SLC5A5: variants seen among roughly 807,000 people sequenced by gnomAD.
SLC5A5 encodes solute carrier family 5 member 5.
A neutral mutation model predicts 68.6 loss-of-function variants in SLC5A5; 56 were observed. That is an observed-to-expected ratio of 0.82 (90% CI 0.66 to 1.02). The LOEUF (loss-of-function observed/expected upper bound fraction) is 1.02. SLC5A5 is among the 50% of genes least tolerant of loss of function. SLC5A5 has a pLI of 0.00. For synonymous variants in SLC5A5, 398 were observed against 373.0 expected, an observed-to-expected ratio of 1.07 and a Z score of -0.77; for missense variants, 807 against 859.8, an observed-to-expected ratio of 0.94 and a Z score of 0.77.
rs1219028098 is a variant in SLC5A5, at chr19:17,893,906, C to G, written c.*29C>G. The G allele has an allele frequency of 6.4e-7, 1 of 1,550,774 alleles. No individual in the cohort carries two copies. Among genetic ancestry groups the G allele is most frequent in the Non-Finnish European group, 8.7e-7 (1 of 1,145,744 alleles). ...CAGGGCCAGCCGCGGGACTGACACCCTGGGATGGAACCTCAGGATGGGCCA... is the reference window on the plus strand; with the variant it reads ...CAGGGCCAGCCGCGGGACTGACACCGTGGGATGGAACCTCAGGATGGGCCA... On this transcript the variant is annotated 3_prime_UTR_variant, in exon 15 of 15. Transcript: ENST00000222248.
Position 17,893,921 on chromosome 19 carries a change from A to C in SLC5A5, c.*44A>C. The C allele has an allele frequency of 1.3e-6, 2 of 1,536,744 alleles. No individual in the cohort carries two copies. Among genetic ancestry groups the C allele is most frequent in the Non-Finnish European group, 1.8e-6 (2 of 1,133,422 alleles). Reference sequence around the variant, plus strand: ...GACTGACACCCTGGGATGGAACCTCAGGATGGGCCAAACCCAGACAACGGG... The same window carrying C: ...GACTGACACCCTGGGATGGAACCTCCGGATGGGCCAAACCCAGACAACGGG... On this transcript the variant is annotated 3_prime_UTR_variant, in exon 15 of 15. Coordinates refer to ENST00000222248, the MANE Select transcript of SLC5A5 (RefSeq NM_000453.3).
At position 17,894,076 on chromosome 19, in the gene SLC5A5, C is replaced by T. The variant is rs967294275; in HGVS notation, c.*199C>T. 49 of 609,276 alleles carry T rather than the reference C, an allele frequency of 8.0e-5. No homozygotes were observed. The highest frequency in any genetic ancestry group is 4.4e-4 in the Middle Eastern group (1 of 2,278). 37.7% of individuals were successfully genotyped at this position (609,276 alleles called of 1,614,324 possible). A position where few individuals can be genotyped will look rare whatever the true frequency, so the allele number is the denominator to read the frequency against. ...TTTAAATCCAGCCCCTTGCTTCAACCGTCCCCAGTATTAGACGCTGCAGCC... is the reference window on the plus strand; with the variant it reads ...TTTAAATCCAGCCCCTTGCTTCAACTGTCCCCAGTATTAGACGCTGCAGCC... On this transcript the variant is annotated 3_prime_UTR_variant, in exon 15 of 15. Transcript: ENST00000222248.
At position 17,881,975 on chromosome 19, in the gene SLC5A5, C is replaced by T. The variant is rs1301112516; in HGVS notation, c.1074C>T (p.Ser358=). Residue 358 remains serine, a synonymous_variant, in exon 9 of 15, where the codon AGC becomes AGT. Transcript: ENST00000222248. Reference sequence around the variant, plus strand: ...CCTCACACAGCACAGCATCCACCAGCATCAATGCTATGGCTGCAGTCACTG... The same window carrying T: ...CCTCACACAGCACAGCATCCACCAGTATCAATGCTATGGCTGCAGTCACTG... ...YSGTLSTAST[S]INAMAAVTVE... 5 of 1,613,522 alleles carry T rather than the reference C, an allele frequency of 3.1e-6. No homozygotes were observed. The highest frequency in any genetic ancestry group is 4.2e-6 in the Non-Finnish European group (5 of 1,179,530).
intron 8 of SLC5A5, 119 bp from the exon 9 acceptor site, chr19:17,881,841 C>A: frequency 1.3e-6 from 1 of 757,156 alleles, no homozygotes; most frequent in Non-Finnish European, 2.3e-6. Flanking sequence ...TCTCCTTCAC[C>A]TTTGCAGGAC....
rs773992730 is a variant in SLC5A5 at position 17,880,927 on chromosome 19, G to A, written c.1032G>A (p.Leu344=). 1.4e-5 allele frequency: 23 copies of A among 1,613,954 alleles called. No individual in the cohort carries two copies. In the South Asian group the frequency reaches 2.2e-4, roughly 15 times the overall value. Residue 344 remains leucine (L), a synonymous_variant, in exon 8 of 15, where the codon CTG becomes CTA. Transcript: ENST00000222248. ...TGCCTGGAGTCCCCGGGCTTTTCCTGGCCTGTGCTTACAGTGGCACCCTCA... is the reference window on the plus strand; with the variant it reads ...TGCCTGGAGTCCCCGGGCTTTTCCTAGCCTGTGCTTACAGTGGCACCCTCA... ...EDLPGVPGLF[L]ACAYSGTLST... is the part of the protein sequence containing the mutation.
At chr19:17,881,871 C>A in intron 8 of SLC5A5, 89 bp from the exon 9 acceptor site, 2 of 967,260 alleles carry the variant, frequency 2.1e-6, no homozygotes, top group Non-Finnish European at 3.3e-6. Context: ...CCCACCGTTG[C>A]CCTCAGGCTG....
intron 2 of SLC5A5, 80 bp downstream of exon 2, chr19:17,874,283 C>T: frequency 1.1e-6 from 1 of 923,552 alleles, no homozygotes; most frequent in Non-Finnish European, 1.7e-6. Context: ...CCATTCAAGA[C>T]CCCGCCCAGA....
At chr19:17,874,057 C>T (rs1285284957) in intron 1 of SLC5A5, 81 bp from the exon 2 acceptor site, 4 of 1,017,844 alleles carry the variant, frequency 3.9e-6, no homozygotes. Context: ...GAGGGGCCCA[C>T]CTAGAGAGCA....
At chr19:17,888,262 T>C in intron 12 of SLC5A5, 69 bp from the exon 13 acceptor site, 5 of 1,595,406 alleles carry the variant, frequency 3.1e-6, no homozygotes, top group South Asian at 1.1e-5. Context: ...GGGGGTGAGG[T>C]TGGAACAGCT....
chr19:17,889,023 A>T (rs1169530620), intron 13 of SLC5A5, among the ~76,000 whole-genome samples: 1 of 151,826 alleles, frequency 6.6e-6, no homozygotes, highest in East Asian at 1.9e-4. Context: ...TATATACATA[A>T]AAGAAATTAT....
At chr19:17,881,060 G>A in intron 8 of SLC5A5, 107 bp downstream of exon 8, 1 of 860,296 alleles carries the variant, frequency 1.2e-6, no homozygotes, top group Non-Finnish European at 2.0e-6. Context: ...CTGTCCATCA[G>A]TCCCAGTTCC....
In SLC5A5 at chr19:17,882,227, C is replaced by G. The variant is rs572622896; in HGVS notation, c.1242+8C>G. The G allele has an allele frequency of 1.9e-6, 3 of 1,610,794 alleles. No individual in the cohort carries two copies. In the East Asian group the frequency reaches 6.7e-5, roughly 36 times the overall value. ...GGAGGAGGTGTCCTTCAGGTGAGAC[C>G]CCACCTGCCCCCTGCCCTGGTCTCC... On this transcript the variant is annotated splice_region_variant and intron_variant, in intron 10 of 14. Coordinates refer to ENST00000222248, the MANE Select transcript of SLC5A5 (RefSeq NM_000453.3).
intron 13 of SLC5A5, among the ~76,000 whole-genome samples, chr19:17,890,657 A>G (rs2030130432): frequency 6.6e-6 from 1 of 152,106 alleles, no homozygotes; most frequent in Non-Finnish European, 1.5e-5. Context: ...TAGACTCCCA[A>G]AGTGCAATTA....
At chr19:17,877,146 C>A (rs1352224804) in intron 5 of SLC5A5, among the ~76,000 whole-genome samples, 1 of 152,016 alleles carries the variant, frequency 6.6e-6, no homozygotes, top group Non-Finnish European at 1.5e-5. Context: ...TCCCCTCAGA[C>A]CAGATTGGGG....
At chr19:17,888,270 GC>G in intron 12 of SLC5A5, 60 bp from the exon 13 acceptor site, 1 of 1,606,256 alleles carries the variant, frequency 6.2e-7, no homozygotes, top group African/African-American at 1.3e-5. Flanking sequence ...GGTTGGAACA[GC>G]TTTTGAGTGC....
Position 17,880,958 on chromosome 19 carries a change from G to A in SLC5A5, c.1058+5G>A. 1 of 1,608,728 alleles carries A rather than the reference G, an allele frequency of 6.2e-7. No individual in the cohort carries two copies. Among genetic ancestry groups the A allele is most frequent in the African/African-American group, 1.3e-5 (1 of 74,942 alleles). ...TGCTTACAGTGGCACCCTCAGGTGA[G>A]CACCCCTGCTTGTTCATGGAGCATT... On this transcript the variant is annotated splice_donor_5th_base_variant and intron_variant, in intron 8 of 14. Coordinates refer to ENST00000222248, the MANE Select transcript of SLC5A5 (RefSeq NM_000453.3).
chr19:17,884,546 T>G (rs1306364106), intron 12 of SLC5A5, among the ~76,000 whole-genome samples: 1 of 151,340 alleles, frequency 6.6e-6, no homozygotes, highest in Non-Finnish European at 1.5e-5. Flanking sequence ...CTGAGGCAGG[T>G]GGATCACCTG....
In SLC5A5 at chr19:17,876,849, A is replaced by C. The variant is rs867197117; in HGVS notation, c.698+743A>C. Among the ~76,000 whole-genome samples the C allele has an allele frequency of 6.6e-4, 97 of 146,758 alleles. No homozygotes were observed. In the Middle Eastern group the frequency reaches 0.014, roughly 21 times the overall value. On this transcript the variant is annotated intron_variant, in intron 5 of 14. Transcript: ENST00000222248. ...TGCACTCCCGCCTGGTGACAGAGAG[A>C]GACTCCGTCCCCCCCCTAAAAAAAA...
Position 17,872,299 on chromosome 19 carries a change from T to C in SLC5A5, c.-21T>C, listed in dbSNP as rs1369312585. ...GCACGCAGGGCGTCCGAGGACGCGC[T>C]GGGCCTCCGCACCCGCCCTCATGGA... On this transcript the variant is annotated 5_prime_UTR_variant, in exon 1 of 15. Transcript: ENST00000222248. 5.0e-6 allele frequency: 7 copies of C among 1,402,826 alleles called. No homozygotes were observed. The highest frequency in any genetic ancestry group is 9.5e-7 in the Non-Finnish European group (1 of 1,051,914). 86.9% of individuals were successfully genotyped at this position (1,402,826 alleles called of 1,614,324 possible). A position where few individuals can be genotyped will look rare whatever the true frequency, so the allele number is the denominator to read the frequency against.
Sources: gnomAD v4.1 joint callset for allele counts (sites outside exome capture counted in the v4.1 genomes callset) on GRCh38, gnomAD v4.1.1 for gene constraint, MANE v1.5 for transcripts, NCBI Gene and HGNC (gene_info 2026-07-23, HGNC 2026-07-21) for gene names.